Variants in ZC3HC1 observed in about 807,000 individuals in gnomAD.
ZC3HC1 encodes the protein zinc finger C3HC-type protein 1.
A neutral mutation model predicts 61.9 loss-of-function variants in ZC3HC1; 38 were observed. The observed-to-expected ratio is 0.61, with a 90% CI of 0.47 to 0.81. The LOEUF (loss-of-function observed/expected upper bound fraction) is 0.81. Among genes scored for constraint, ZC3HC1 ranks in the 30% least tolerant of loss-of-function variants. The pLI is 0.00. For missense variants in ZC3HC1, 554 were observed against 622.7 expected, an observed-to-expected ratio of 0.89 and a Z score of 1.17; for synonymous variants, 213 against 229.9, an observed-to-expected ratio of 0.93 and a Z score of 0.67.
chr7:130,051,261 T>C lies in ZC3HC1; in HGVS notation c.106A>G (p.Ile36Val), dbSNP rs190035019. The C allele has an allele frequency of 5.5e-5, 88 of 1,612,034 alleles. 1 individual carries two copies. In the African/African-American group the frequency reaches 9.9e-4, roughly 18 times the overall value. ...EGTPQKIRQL[I>V]DEGIAPEEGG... The stretch of plus-strand genomic sequence containing the variant: ...TCTTCCGGGGCAATCCCCTCATCTA[T>C]CAGCTGCCGGATTTTCTGGGGGGTC... Residue 36 changes from isoleucine (I) to valine (V), a missense_variant, in exon 1 of 10, where the codon ATA (isoleucine) becomes GTA (valine). Transcript: ENST00000358303.
intron 2 of ZC3HC1, among the ~76,000 whole-genome samples, chr7:130,047,503 G>GT (rs1794911086): frequency 6.6e-6 from 1 of 152,190 alleles, no homozygotes; most frequent in Non-Finnish European, 1.5e-5. Context: ...CTTGTTAATA[G>GT]TTTATAAGAC....
intron 2 of ZC3HC1, among the ~76,000 whole-genome samples, chr7:130,047,509 A>G (rs956307570): frequency 1.1e-4 from 16 of 152,188 alleles, no homozygotes; most frequent in African/African-American, 3.9e-4. Context: ...AATAGTTTAT[A>G]AGACAGAAAT....
chr7:130,028,758 G>A, intron 5 of ZC3HC1, 144 bp downstream of exon 5: 1 of 1,098,352 alleles, frequency 9.1e-7, no homozygotes, highest in Admixed American at 3.1e-5. Context: ...TCACCTTCCT[G>A]GTGGAGACTG....
chr7:130,039,999 C>G (rs978374267), intron 3 of ZC3HC1, among the ~76,000 whole-genome samples: 3 of 151,300 alleles, frequency 2.0e-5, no homozygotes, highest in Non-Finnish European at 4.4e-5. Context: ...GGATTACACA[C>G]GTGAGCCACT....
intron 1 of ZC3HC1, chr7:130,050,516 A>G: frequency 1.4e-6 from 2 of 1,466,516 alleles, no homozygotes; most frequent in East Asian, 2.6e-5. Context: ...CACAGCATCC[A>G]TAAACTTGGA....
At chr7:130,026,094 TG>T in intron 6 of ZC3HC1, 63 bp downstream of exon 6, 1 of 1,473,866 alleles carries the variant, frequency 6.8e-7, no homozygotes, top group Non-Finnish European at 9.1e-7. Context: ...GATTAGTGAC[TG>T]ATATATATGG....
Position 130,039,950 on chromosome 7 carries a change from C to T in ZC3HC1, c.410-403G>A, listed in dbSNP as rs577182905. On this transcript the variant is annotated intron_variant, in intron 3 of 9. Coordinates refer to ENST00000358303, the MANE Select transcript of ZC3HC1 (RefSeq NM_016478.5). ...AGTCAGGCTGGTCTCAAACTCCCAACCTCATGTGATCCACCCACTTCAGCC... is the reference window on the plus strand; with the variant it reads ...AGTCAGGCTGGTCTCAAACTCCCAATCTCATGTGATCCACCCACTTCAGCC... 1.5e-4 allele frequency among the ~76,000 whole-genome samples: 23 copies of T among 151,310 alleles called. 1 individual carries two copies. In the East Asian group the frequency reaches 4.6e-3, roughly 30 times the overall value.
At chr7:130,038,418 AG>A (rs1185907748) in intron 4 of ZC3HC1, among the ~76,000 whole-genome samples, 17 of 152,214 alleles carry the variant, frequency 1.1e-4, no homozygotes, top group African/African-American at 4.1e-4. Context: ...TATTGCTGTT[AG>A]TACTCCCTCT....
intron 4 of ZC3HC1, among the ~76,000 whole-genome samples, chr7:130,032,649 G>A (rs118120656): frequency 0.016 from 2,144 of 136,986 alleles, 28 homozygotes; most frequent in Middle Eastern, 0.026. Context: ...AGAGAGAAAC[G>A]TGTACTTGAT....
chr7:130,026,748 T>G (rs1237240167), intron 5 of ZC3HC1: 1 of 152,816 alleles, frequency 6.5e-6, no homozygotes, highest in Non-Finnish European at 1.5e-5. Flanking sequence ...GGCAGGTGGA[T>G]CACAAGGTCA....
chr7:130,051,342 C>T lies in ZC3HC1; in HGVS notation c.25G>A (p.Ala9Thr), dbSNP rs1266196123. The change falls in exon 1 of 10, where the codon GCG (alanine) becomes ACG (threonine). Residue 9 changes from alanine to threonine, a missense_variant. Transcript: ENST00000358303. Reference sequence around the variant, plus strand: ...TTCTTTTCAACCCCTACGGCAAACGCTTGTCCCTCACAGGGCGCCGCCATC... The same window carrying T: ...TTCTTTTCAACCCCTACGGCAAACGTTTGTCCCTCACAGGGCGCCGCCATC... MAAPCEGQ[A>T]FAVGVEKNWG... 6.2e-7 allele frequency: 1 copy of T among 1,613,294 alleles called. No individual in the cohort carries two copies.
At chr7:130,022,044 C>T (rs1584837410) in intron 9 of ZC3HC1, among the ~76,000 whole-genome samples, 1 of 151,892 alleles carries the variant, frequency 6.6e-6, no homozygotes, top group Non-Finnish European at 1.5e-5. Flanking sequence ...TGGTGGTGGG[C>T]GCCTGTAATC....
chr7:130,026,969 C>CA (rs1170912030), intron 5 of ZC3HC1: 2,213 of 47,272 alleles, frequency 0.047, 37 homozygotes, highest in African/African-American at 0.086. Flanking sequence ...GACTCCGTAT[C>CA]AAAAAAAAAA....
At chr7:130,030,488 C>T (rs117252724) in intron 4 of ZC3HC1, among the ~76,000 whole-genome samples, 1,995 of 152,134 alleles carry the variant, frequency 0.013, 17 homozygotes, top group Non-Finnish European at 0.021. Context: ...GCGTAAGTCA[C>T]CACGCCCAGC....
intron 5 of ZC3HC1, 66 bp from the exon 6 acceptor site, chr7:130,026,378 C>A: frequency 3.9e-6 from 6 of 1,545,822 alleles, no homozygotes; most frequent in Non-Finnish European, 5.3e-6. Context: ...CACATTATAA[C>A]ATACCTAGAT....
intron 4 of ZC3HC1, among the ~76,000 whole-genome samples, chr7:130,031,206 G>A (rs188380541): frequency 7.3e-5 from 11 of 151,270 alleles, no homozygotes; most frequent in African/African-American, 2.4e-4. Context: ...GCGCATGCCT[G>A]TAATCCCAGC....
intron 1 of ZC3HC1, 72 bp downstream of exon 1, chr7:130,051,149 C>A: frequency 6.5e-7 from 1 of 1,527,182 alleles, no homozygotes; most frequent in Non-Finnish European, 8.8e-7. Context: ...GAACCTCCCC[C>A]AACCCGCCAC....
At chr7:130,035,473 G>A (rs1046023446) in intron 4 of ZC3HC1, among the ~76,000 whole-genome samples, 2 of 151,408 alleles carry the variant, frequency 1.3e-5, no homozygotes, top group African/African-American at 4.9e-5. Context: ...CCTGGGAGGC[G>A]GAGGTTGCAG....
At chr7:130,034,692 G>A (rs1005106778) in intron 4 of ZC3HC1, among the ~76,000 whole-genome samples, 6 of 151,974 alleles carry the variant, frequency 3.9e-5, no homozygotes, top group African/African-American at 1.4e-4. Flanking sequence ...TGTAGAGACA[G>A]GGTGCCCAGC....
Sources: allele counts gnomAD v4.1 joint callset (sites outside exome capture counted in the v4.1 genomes callset), GRCh38; gene constraint gnomAD v4.1.1; transcripts MANE v1.5; gene names NCBI Gene and HGNC (gene_info 2026-07-23, HGNC 2026-07-21).